The following MEGF11 variants were observed in gnomAD, a reference collection of about 807,000 sequenced individuals.
MEGF11 encodes multiple epidermal growth factor-like domains protein 11.
MEGF11 carries 126 observed loss-of-function variants against 146.6 expected under a neutral mutation model. That is an observed-to-expected ratio of 0.86 (90% CI 0.74 to 1.00). The LOEUF is 1.00. Ranked by LOEUF, MEGF11 falls within the 50% of genes least tolerant of loss-of-function variation. MEGF11 has a pLI of 0.00. For missense variants in MEGF11, 1,509 were observed against 1,521.2 expected, an observed-to-expected ratio of 0.99 and a Z score of 0.13; for synonymous variants, 532 against 583.4, an observed-to-expected ratio of 0.91 and a Z score of 1.27.
rs892887724 is a variant in MEGF11 at position 66,158,925 on chromosome 15, C to T, written c.-8-30514G>A. The stretch of plus-strand genomic sequence containing the variant: ...AGCTTCTAAACTCTGTGTCTTTAGA[C>T]GAGCTGAAATTGCACCTCTTTTAAA... On this transcript the variant is annotated intron_variant, in intron 1 of 25. Transcript: ENST00000395614. Among the ~76,000 whole-genome samples the T allele has an allele frequency of 2.3e-4, 35 of 152,182 alleles. 1 individual carries two copies. The highest frequency in any genetic ancestry group is 1.3e-4 in the Admixed American group (2 of 15,278).
intron 1 of MEGF11, among the ~76,000 whole-genome samples, chr15:66,212,168 G>T (rs2091476103): frequency 6.6e-6 from 1 of 151,944 alleles, no homozygotes; most frequent in African/African-American, 2.4e-5. Context: ...ACAAGAGCAA[G>T]CCTCTCCAGG....
intron 5 of MEGF11, among the ~76,000 whole-genome samples, chr15:65,990,379 C>T (rs1046457095): frequency 6.6e-6 from 1 of 152,012 alleles, no homozygotes; most frequent in African/African-American, 2.4e-5. Flanking sequence ...GGCAAAACCC[C>T]ATCTCTACAA....
At chr15:65,943,770 C>T (rs543273335) in intron 10 of MEGF11, among the ~76,000 whole-genome samples, 274 of 152,172 alleles carry the variant, frequency 1.8e-3, no homozygotes, top group African/African-American at 6.2e-3. Flanking sequence ...CCATGAAGCC[C>T]CAACGGTGAT....
chr15:66,103,077 G>C (rs1244743830), intron 4 of MEGF11, among the ~76,000 whole-genome samples: 1 of 152,204 alleles, frequency 6.6e-6, no homozygotes, highest in Non-Finnish European at 1.5e-5. Flanking sequence ...CCCAGACCAA[G>C]TTCCATCCCA....
At chr15:66,059,871 G>A (rs1167400587) in intron 5 of MEGF11, among the ~76,000 whole-genome samples, 1 of 152,176 alleles carries the variant, frequency 6.6e-6, no homozygotes, top group Non-Finnish European at 1.5e-5. Context: ...AAACAAGCTG[G>A]AAACTAAGGC....
At chr15:66,059,678 G>A (rs2084823845) in intron 5 of MEGF11, among the ~76,000 whole-genome samples, 1 of 151,916 alleles carries the variant, frequency 6.6e-6, no homozygotes, top group African/African-American at 2.4e-5. Context: ...GAGTGGAGAG[G>A]GTGAGCAGAG....
chr15:65,946,107 G>A (rs1049553970), intron 10 of MEGF11, among the ~76,000 whole-genome samples: 1 of 152,216 alleles, frequency 6.6e-6, no homozygotes, highest in Admixed American at 6.5e-5. Context: ...TGCTATAGAT[G>A]CTTTCAGCGT....
intron 1 of MEGF11, among the ~76,000 whole-genome samples, chr15:66,193,607 G>T (rs1331153473): frequency 2.0e-5 from 3 of 152,052 alleles, no homozygotes. Flanking sequence ...AGTATTTGTG[G>T]TATGTGAAAC....
At chr15:66,220,607 G>A (rs947863692) in intron 1 of MEGF11, among the ~76,000 whole-genome samples, 11 of 148,956 alleles carry the variant, frequency 7.4e-5, no homozygotes, top group Non-Finnish European at 1.0e-4. Flanking sequence ...GCGTGATCTC[G>A]GCTCACTGCA....
intron 1 of MEGF11, among the ~76,000 whole-genome samples, chr15:66,213,190 G>A (rs1395871086): frequency 6.6e-6 from 1 of 152,042 alleles, no homozygotes; most frequent in Non-Finnish European, 1.5e-5. Flanking sequence ...GCCCCTCCTC[G>A]TGAATAAAAT....
chr15:66,129,746 A>C (rs965535134), intron 1 of MEGF11, among the ~76,000 whole-genome samples: 8 of 151,840 alleles, frequency 5.3e-5, no homozygotes, highest in African/African-American at 1.9e-4. Flanking sequence ...AAGGTCAAAC[A>C]CTCTCCTTCG....
chr15:65,992,452 G>C (rs542405279), intron 5 of MEGF11, among the ~76,000 whole-genome samples: 5 of 23,440 alleles, frequency 2.1e-4, no homozygotes, highest in Admixed American at 5.9e-4. Context: ...TGTGTGTGTG[G>C]GGGGGGGGGT....
intron 24 of MEGF11, among the ~76,000 whole-genome samples, chr15:65,904,917 G>C (rs1264856348): frequency 6.6e-6 from 1 of 152,150 alleles, no homozygotes; most frequent in Non-Finnish European, 1.5e-5. Context: ...TTCTGAGACA[G>C]AGTCTTGTTC....
intron 1 of MEGF11, among the ~76,000 whole-genome samples, chr15:66,174,765 G>T (rs72744471): frequency 6.6e-6 from 1 of 151,764 alleles, no homozygotes; most frequent in South Asian, 2.1e-4. Flanking sequence ...AAAACCCCCA[G>T]TCCCTTTAAT....
intron 1 of MEGF11, among the ~76,000 whole-genome samples, chr15:66,203,474 G>A (rs901248070): frequency 1.3e-5 from 2 of 152,194 alleles, no homozygotes; most frequent in Admixed American, 1.3e-4. Flanking sequence ...CAAAGTCTAA[G>A]TTGTCCTAAA....
intron 5 of MEGF11, among the ~76,000 whole-genome samples, chr15:66,057,298 C>T (rs1238644066): frequency 6.6e-6 from 1 of 152,180 alleles, no homozygotes; most frequent in African/African-American, 2.4e-5. Flanking sequence ...TTCCCCTGAG[C>T]AGCGCTTGAA....
At chr15:66,158,356 G>T (rs903462179) in intron 1 of MEGF11, among the ~76,000 whole-genome samples, 2 of 152,196 alleles carry the variant, frequency 1.3e-5, no homozygotes, top group Non-Finnish European at 2.9e-5. Context: ...TATTCAAAAG[G>T]AAGGCTTCAC....
At chr15:65,968,033 A>T (rs1489141735) in intron 8 of MEGF11, among the ~76,000 whole-genome samples, 2 of 152,116 alleles carry the variant, frequency 1.3e-5, no homozygotes, top group African/African-American at 4.8e-5. Context: ...GGCTAAGATG[A>T]CCCCAGATTG....
intron 7 of MEGF11, among the ~76,000 whole-genome samples, chr15:65,974,341 G>A (rs924551181): frequency 6.6e-6 from 1 of 152,094 alleles, no homozygotes; most frequent in South Asian, 2.1e-4. Flanking sequence ...GAGAGAATGC[G>A]TGTGTGTGAG....
Sources: allele counts gnomAD v4.1 joint callset (sites outside exome capture counted in the v4.1 genomes callset), GRCh38; gene constraint gnomAD v4.1.1; transcripts MANE v1.5; gene names NCBI Gene and HGNC (gene_info 2026-07-23, HGNC 2026-07-21).